Variants in ZNF493 observed in about 807,000 individuals in gnomAD.
ZNF493 encodes zinc finger protein 493.
Under a neutral mutation model 12.2 loss-of-function variants are expected in ZNF493, and 11 were observed. That is an observed-to-expected ratio of 0.90 (90% CI 0.57 to 1.50). The LOEUF is 1.50. Ranked by LOEUF, ZNF493 falls within the 40% of genes most tolerant of loss-of-function variation. ZNF493 has a pLI of 0.00. For missense variants in ZNF493, 950 were observed against 906.6 expected (o/e 1.05, Z -0.61); for synonymous variants, 286 against 302.6 (o/e 0.95, Z 0.57).
intron 3 of ZNF493, among the ~76,000 whole-genome samples, chr19:21,409,107 A>G (rs2030238187): frequency 6.6e-6 from 1 of 151,550 alleles, no homozygotes; most frequent in Admixed American, 6.6e-5. Context: ...GATGGTCTCG[A>G]TCTCCTGACC....
intron 3 of ZNF493, among the ~76,000 whole-genome samples, chr19:21,420,417 A>G (rs1025551028): frequency 6.6e-6 from 1 of 151,024 alleles, no homozygotes; most frequent in Non-Finnish European, 1.5e-5. Context: ...GTATTTTAAT[A>G]TGATTATATG....
At position 21,424,411 on chromosome 19, in the gene ZNF493, A is replaced by G. The variant is rs2030789597; in HGVS notation, c.1752A>G (p.Val584=). ...KCKECGKSFS[V]FSTLTKHKII... ...AAGAATGTGGCAAATCCTTTAGTGTATTCTCAACCCTTACTAAACACAAGA... is the reference window on the plus strand; with the variant it reads ...AAGAATGTGGCAAATCCTTTAGTGTGTTCTCAACCCTTACTAAACACAAGA... Residue 584 remains valine (V), a synonymous_variant, in exon 4 of 4, where the codon GTA becomes GTG. Transcript: ENST00000392288. The G allele has an allele frequency of 6.2e-7, 1 of 1,612,836 alleles. No individual in the cohort carries two copies. The highest frequency in any genetic ancestry group is 8.5e-7 in the Non-Finnish European group (1 of 1,179,422).
intron 3 of ZNF493, 86 bp from the exon 4 acceptor site, chr19:21,422,827 T>G: frequency 8.2e-7 from 1 of 1,223,424 alleles, no homozygotes; most frequent in Non-Finnish European, 1.1e-6. Context: ...GTTTATGCAG[T>G]TTGTATAATA....
chr19:21,421,634 G>A (rs1023869636), intron 3 of ZNF493, among the ~76,000 whole-genome samples: 2 of 152,128 alleles, frequency 1.3e-5, no homozygotes, highest in African/African-American at 4.8e-5. Context: ...CAAAGTGTGG[G>A]ATTACAGGTG....
chr19:21,402,769 T>C (rs951068856), intron 1 of ZNF493, among the ~76,000 whole-genome samples: 4 of 152,208 alleles, frequency 2.6e-5, no homozygotes, highest in Non-Finnish European at 2.9e-5. Context: ...GCTCCAGGTA[T>C]AAATAGAATC....
At chr19:21,409,551 C>A (rs1291461824) in intron 3 of ZNF493, among the ~76,000 whole-genome samples, 1 of 152,024 alleles carries the variant, frequency 6.6e-6, no homozygotes, top group African/African-American at 2.4e-5. Context: ...TCAGACCAGC[C>A]TGGGCAACAT....
In ZNF493 at chr19:21,397,209, C is replaced by T; in HGVS notation, c.-29C>T. 1.2e-6 allele frequency: 2 copies of T among 1,614,098 alleles called. No homozygotes were observed. Among genetic ancestry groups the T allele is most frequent in the Non-Finnish European group, 1.7e-6 (2 of 1,179,968 alleles). ...TCCTCAGCGTGTGTGGCTTCGTGAC[C>T]TGAAGATACTGGGAAATCCATAGCT... On this transcript the variant is annotated 5_prime_UTR_variant, in exon 1 of 4. Coordinates refer to ENST00000392288, the MANE Select transcript of ZNF493 (RefSeq NM_001076678.3).
chr19:21,408,190 A>T (rs1004964611), intron 3 of ZNF493: 1 of 914,398 alleles, frequency 1.1e-6, no homozygotes, highest in African/African-American at 2.1e-5. Flanking sequence ...CAGTGGTGTG[A>T]TCTCAGCTCA....
At chr19:21,422,420 CTTCTTTAT>C (rs955952721) in intron 3 of ZNF493, among the ~76,000 whole-genome samples, 4 of 108,134 alleles carry the variant, frequency 3.7e-5, no homozygotes, top group African/African-American at 1.4e-4. Flanking sequence ...TGGCAAGTTA[CTTCTTTAT>C]TTATTTATTT....
intron 1 of ZNF493, chr19:21,398,301 A>G (rs1282758005): frequency 6.4e-6 from 1 of 155,084 alleles, no homozygotes; most frequent in Non-Finnish European, 1.4e-5. Flanking sequence ...GTGCATTTAA[A>G]GAGATTTGTT....
In ZNF493 at chr19:21,423,977, A is replaced by G. The variant is rs777288325; in HGVS notation, c.1318A>G (p.Lys440Glu). The G allele has an allele frequency of 6.2e-7, 1 of 1,613,632 alleles. No homozygotes were observed. Among genetic ancestry groups the G allele is most frequent in the Admixed American group, 1.7e-5 (1 of 59,972 alleles). Residue 440 changes from lysine to glutamate, a missense_variant, in exon 4 of 4, where the codon AAA becomes GAA. Lys to Glu is a moderately conservative substitution (Grantham distance 56). Transcript: ENST00000392288. ...EKPYKCEECG[K>E]TFSVFSILTK... is the part of the protein sequence containing the mutation. ...ACCCTACAAATGTGAAGAATGTGGC[A>G]AAACCTTTAGTGTATTCTCAATTCT...
intron 1 of ZNF493, chr19:21,397,598 G>A (rs1364602379): frequency 1.5e-5 from 8 of 530,634 alleles, no homozygotes; most frequent in Non-Finnish European, 6.7e-6. Flanking sequence ...GACTTGGGGT[G>A]CGGGTTCATG....
intron 1 of ZNF493, among the ~76,000 whole-genome samples, chr19:21,404,407 T>C (rs1234333405): frequency 2.0e-5 from 3 of 152,238 alleles, no homozygotes; most frequent in Non-Finnish European, 4.4e-5. Flanking sequence ...CTCTGAAATA[T>C]TTATTTCACT....
chr19:21,410,058 G>GTATATATA lies in ZNF493; in HGVS notation c.253+4203_253+4204insATATATAT, dbSNP rs750161583. On this transcript the variant is annotated intron_variant, in intron 3 of 3. Coordinates refer to ENST00000392288, the MANE Select transcript of ZNF493 (RefSeq NM_001076678.3). ...TTAAGACTGAATAATATTTCATTGTGTGTATATATATATATATATATATAT... is the reference window on the plus strand; with the variant it reads ...TTAAGACTGAATAATATTTCATTGTGTATATATATGTATATATATATATATATATATAT... Among the ~76,000 whole-genome samples, 140 of 139,896 alleles carry GTATATATA rather than the reference G, an allele frequency of 1.0e-3. 1 individual carries two copies. Among genetic ancestry groups the GTATATATA allele is most frequent in the African/African-American group, 2.9e-3 (110 of 37,666 alleles). The allele number at this position is 139,896 out of a possible 152,430, so 91.8% of individuals were successfully genotyped here.
At position 21,413,808 on chromosome 19, in the gene ZNF493, C is replaced by G. The variant is rs1036921317; in HGVS notation, c.253+7952C>G. On this transcript the variant is annotated intron_variant, in intron 3 of 3. Transcript: ENST00000392288. ...TCTCTCTTTGCAGCTGGTTTCTGTACATGCTGTTCAGCTGCTGATAACATC... is the reference window on the plus strand; with the variant it reads ...TCTCTCTTTGCAGCTGGTTTCTGTAGATGCTGTTCAGCTGCTGATAACATC... The G allele has an allele frequency of 3.7e-5, 8 of 214,652 alleles. No individual in the cohort carries two copies. In the South Asian group the frequency reaches 1.1e-3, roughly 30 times the overall value. 13.3% of individuals were successfully genotyped at this position (214,652 alleles called of 1,614,324 possible).
At chr19:21,420,154 C>G (rs1319917720) in intron 3 of ZNF493, among the ~76,000 whole-genome samples, 2 of 152,088 alleles carry the variant, frequency 1.3e-5, no homozygotes, top group Admixed American at 6.6e-5. Context: ...GGCTTCTGGA[C>G]CTCCTGATTA....
rs1376575902 is a variant in ZNF493, at chr19:21,427,061, G to A, written c.*2077G>A. Reference sequence around the variant, plus strand: ...CACTTGTGAAAGCTTGTGATCATTTGTTGCTGCATCAGAGGTATGAGAGAT... The same window carrying A: ...CACTTGTGAAAGCTTGTGATCATTTATTGCTGCATCAGAGGTATGAGAGAT... On this transcript the variant is annotated 3_prime_UTR_variant, in exon 4 of 4. Coordinates refer to ENST00000392288, the MANE Select transcript of ZNF493 (RefSeq NM_001076678.3). 6.0e-6 allele frequency: 1 copy of A among 166,896 alleles called. No individual in the cohort carries two copies. The highest frequency in any genetic ancestry group is 1.9e-4 in the East Asian group (1 of 5,196). 10.3% of individuals were successfully genotyped at this position (166,896 alleles called of 1,614,324 possible). A position where few individuals can be genotyped will look rare whatever the true frequency, so the allele number is the denominator to read the frequency against.
intron 3 of ZNF493, among the ~76,000 whole-genome samples, chr19:21,410,980 C>T (rs117766408): frequency 7.2e-5 from 11 of 151,952 alleles, no homozygotes; most frequent in East Asian, 1.9e-4. Flanking sequence ...TTTGTAGAGA[C>T]GGTTTCTCCA....
At chr19:21,416,424 G>A (rs1009044365) in intron 3 of ZNF493, among the ~76,000 whole-genome samples, 8 of 151,976 alleles carry the variant, frequency 5.3e-5, no homozygotes, top group African/African-American at 1.5e-4. Context: ...GTTGTCCATC[G>A]GGCCCTTCAC....
Sources: allele counts gnomAD v4.1 joint callset (sites outside exome capture counted in the v4.1 genomes callset), GRCh38; gene constraint gnomAD v4.1.1; transcripts MANE v1.5; gene names NCBI Gene and HGNC (gene_info 2026-07-23, HGNC 2026-07-21).